The following DRC7 variants were observed in gnomAD, a reference collection of about 807,000 sequenced individuals.
DRC7 encodes coiled-coil domain containing 135.
A neutral mutation model predicts 104.4 loss-of-function variants in DRC7; 80 were observed. The observed-to-expected ratio is 0.77, with a 90% CI of 0.64 to 0.92. The LOEUF is 0.92. DRC7 is among the 40% of genes least tolerant of loss of function. The pLI, the probability that DRC7 is intolerant of heterozygous loss-of-function variation, is 0.00. For missense variants in DRC7, 1,034 were observed against 1,141.1 expected (o/e 0.91, Z 1.35); for synonymous variants, 405 against 447.3 (o/e 0.91, Z 1.19).
chr16:57,713,452 A>C (rs1597802718), intron 8 of DRC7, among the ~76,000 whole-genome samples: 1 of 152,194 alleles, frequency 6.6e-6, no homozygotes, highest in African/African-American at 2.4e-5. Flanking sequence ...TTATGTCCTC[A>C]TGATGAATTA....
intron 8 of DRC7, among the ~76,000 whole-genome samples, chr16:57,711,447 A>G (rs1018923259): frequency 6.6e-6 from 1 of 152,160 alleles, no homozygotes; most frequent in Admixed American, 6.5e-5. Flanking sequence ...GGCTTTTTCC[A>G]GGAAAGAATT....
At position 57,724,847 on chromosome 16, in the gene DRC7, C is replaced by T. The variant is rs200248822; in HGVS notation, c.1758+12C>T. 4.1e-5 allele frequency: 65 copies of T among 1,603,722 alleles called. No homozygotes were observed. Among genetic ancestry groups the T allele is most frequent in the African/African-American group, 2.1e-4 (16 of 74,566 alleles). The stretch of plus-strand genomic sequence containing the variant: ...CCCGGCCCATTGTGGTAAGAGCTCG[C>T]GGGGGCTGGGGACAGGTCGCCCTCC... On this transcript the variant is annotated intron_variant, in intron 13 of 18. Transcript: ENST00000360716.
intron 8 of DRC7, among the ~76,000 whole-genome samples, chr16:57,711,077 C>G (rs187550765): frequency 6.6e-6 from 1 of 152,260 alleles, no homozygotes; most frequent in South Asian, 2.1e-4. Context: ...TGTACGTTTG[C>G]TGGACTTCAC....
chr16:57,719,741 C>T (rs772385090), intron 9 of DRC7, among the ~76,000 whole-genome samples: 1 of 152,124 alleles, frequency 6.6e-6, no homozygotes, highest in African/African-American at 2.4e-5. Context: ...CTCCTGGGCT[C>T]AAGAGATCCC....
At chr16:57,716,372 G>A (rs1427572389) in intron 8 of DRC7, among the ~76,000 whole-genome samples, 1 of 151,662 alleles carries the variant, frequency 6.6e-6, no homozygotes, top group Non-Finnish European at 1.5e-5. Flanking sequence ...GTGTGGTGGC[G>A]GGCACCTGTA....
At chr16:57,728,343 T>C in intron 16 of DRC7, 47 bp from the exon 17 acceptor site, 1 of 1,498,848 alleles carries the variant, frequency 6.7e-7, no homozygotes. Context: ...GGTGGAGAGG[T>C]CTCTGTAGTT....
At chr16:57,730,330 C>T (rs894450910) in intron 17 of DRC7, among the ~76,000 whole-genome samples, 2 of 134,112 alleles carry the variant, frequency 1.5e-5, no homozygotes, top group Non-Finnish European at 3.2e-5. Flanking sequence ...GATGGATGGG[C>T]GAGTGGATAG....
chr16:57,697,275 C>G (rs1318723143), intron 2 of DRC7, among the ~76,000 whole-genome samples: 2 of 151,832 alleles, frequency 1.3e-5, no homozygotes, highest in Non-Finnish European at 2.9e-5. Flanking sequence ...ATTCACAGTA[C>G]TTGTCATTGA....
At chr16:57,697,327 C>G (rs1173069165) in intron 2 of DRC7, among the ~76,000 whole-genome samples, 1 of 152,032 alleles carries the variant, frequency 6.6e-6, no homozygotes, top group Non-Finnish European at 1.5e-5. Context: ...GTAATCCCAG[C>G]ACTTTGGGAG....
rs141258400 is a variant in DRC7 at position 57,697,585 on chromosome 16, T to A, written c.-37-328T>A. Among the ~76,000 whole-genome samples the A allele has an allele frequency of 2.3e-3, 340 of 151,000 alleles. 2 individuals are homozygous for A. The highest frequency in any genetic ancestry group is 7.3e-3 in the African/African-American group (302 of 41,176). ...CCCTGTCTCAAAAAAATAAAAAATTTAAAAAAAAAGATAACTGTCAAATAT... is the reference window on the plus strand; with the variant it reads ...CCCTGTCTCAAAAAAATAAAAAATTAAAAAAAAAAGATAACTGTCAAATAT... On this transcript the variant is annotated intron_variant, in intron 2 of 18. Transcript: ENST00000360716.
At chr16:57,700,824 C>A (rs72795520) in intron 5 of DRC7, among the ~76,000 whole-genome samples, 4 of 152,064 alleles carry the variant, frequency 2.6e-5, no homozygotes, top group African/African-American at 9.7e-5. Context: ...TGGTTCCTCA[C>A]AGGCTGAGTA....
intron 4 of DRC7, 29 bp downstream of exon 4, chr16:57,699,053 G>C: frequency 6.2e-7 from 1 of 1,606,984 alleles, no homozygotes; most frequent in Non-Finnish European, 8.5e-7. Flanking sequence ...GGGCAGGGCT[G>C]GGGAGCCTGG....
At chr16:57,708,159 G>T (rs1349261292) in intron 8 of DRC7, among the ~76,000 whole-genome samples, 1 of 152,166 alleles carries the variant, frequency 6.6e-6, no homozygotes, top group Non-Finnish European at 1.5e-5. Context: ...AGAGGGTACA[G>T]AGGAGGTCAC....
In DRC7 at chr16:57,697,995, CGGGAGGAGGCGGCCGAGT is replaced by C; in HGVS notation, c.50_67del (p.Glu17_Trp22del). 2 of 1,613,284 alleles carry C rather than the reference CGGGAGGAGGCGGCCGAGT, an allele frequency of 1.2e-6. No individual in the cohort carries two copies. The highest frequency in any genetic ancestry group is 1.7e-5 in the Admixed American group (1 of 59,996). ...GGTGGAGGAGGAGGAGGAGGCCGAG[CGGGAGGAGGCGGCCGAGT>C]GGGCTGAATGGGCGAGGATGGAGAA... On this transcript the variant is annotated inframe_deletion, in exon 3 of 19. Coordinates refer to ENST00000360716, the MANE Select transcript of DRC7 (RefSeq NM_001289162.2).
intron 2 of DRC7, among the ~76,000 whole-genome samples, chr16:57,697,058 G>A (rs902580985): frequency 2.0e-5 from 3 of 152,088 alleles, no homozygotes; most frequent in South Asian, 2.1e-4. Flanking sequence ...GATTACAGGC[G>A]TGTGCCACCA....
Position 57,730,685 on chromosome 16 carries a change from C to T in DRC7, c.2392-246C>T, listed in dbSNP as rs537318701. On this transcript the variant is annotated intron_variant, in intron 17 of 18. Coordinates refer to ENST00000360716, the MANE Select transcript of DRC7 (RefSeq NM_001289162.2). The stretch of plus-strand genomic sequence containing the variant: ...GTAACTTGTCCAGAGCTACATGGCT[C>T]TCTCAGTCTTGCCCCGTTCTGATCT... 1.7e-4 allele frequency among the ~76,000 whole-genome samples: 22 copies of T among 129,818 alleles called. 1 individual carries two copies. In the South Asian group the frequency reaches 4.6e-3, roughly 27 times the overall value. The allele number at this position is 129,818 out of a possible 152,430, so 85.2% of individuals were successfully genotyped here.
chr16:57,700,373 G>C (rs922054458), intron 5 of DRC7, 103 bp downstream of exon 5: 1 of 1,435,056 alleles, frequency 7.0e-7, no homozygotes, highest in African/African-American at 1.4e-5. Flanking sequence ...TAGAGGCCGG[G>C]CGTGGTAGCT....
At chr16:57,709,485 C>T (rs967639952) in intron 8 of DRC7, among the ~76,000 whole-genome samples, 4 of 151,928 alleles carry the variant, frequency 2.6e-5, no homozygotes, top group Non-Finnish European at 4.4e-5. Context: ...TAGCTAGCTA[C>T]CCTTTATTTA....
At chr16:57,722,575 G>A (rs530722567) in intron 10 of DRC7, 138 bp from the exon 11 acceptor site, 56 of 1,178,674 alleles carry the variant, frequency 4.8e-5, no homozygotes, top group African/African-American at 2.4e-4. Context: ...TATTCTCCTC[G>A]GCCTCCCTGG....
Sources: allele counts gnomAD v4.1 joint callset (sites outside exome capture counted in the v4.1 genomes callset), GRCh38; gene constraint gnomAD v4.1.1; transcripts MANE v1.5; gene names NCBI Gene and HGNC (gene_info 2026-07-23, HGNC 2026-07-21).